UBE3D: variants seen among roughly 807,000 people sequenced by gnomAD.
The protein encoded by UBE3D is E3 ubiquitin-protein ligase E3D.
A neutral mutation model predicts 49.6 loss-of-function variants in UBE3D; 48 were observed. The observed-to-expected ratio is 0.97, with a 90% CI of 0.77 to 1.23. The LOEUF is 1.23. UBE3D is among the 50% of genes most tolerant of loss of function. The probability of loss-of-function intolerance (pLI) is 0.00; values close to 1 mark genes in which losing one functional copy is unlikely to be tolerated. For missense variants in UBE3D, 452 were observed against 468.4 expected, an observed-to-expected ratio of 0.96 and a Z score of 0.32; for synonymous variants, 189 against 174.2, an observed-to-expected ratio of 1.08 and a Z score of -0.67.
intron 8 of UBE3D, among the ~76,000 whole-genome samples, chr6:82,980,911 G>A (rs141489220): frequency 1.7e-3 from 260 of 151,904 alleles, no homozygotes; most frequent in African/African-American, 6.1e-3. Flanking sequence ...TCTTCCATTG[G>A]TCTATGTGTC....
At chr6:82,985,008 C>CCTTTTTT (rs1442501883) in intron 8 of UBE3D, among the ~76,000 whole-genome samples, 9 of 53,000 alleles carry the variant, frequency 1.7e-4, no homozygotes, top group South Asian at 1.0e-3. Context: ...TCTTCTTCTT[C>CCTTTTTT]TTTTTTTTTT....
the UBE3D span, among the ~76,000 whole-genome samples, chr6:82,882,734 ATCTT>A: frequency 1.3e-5 from 2 of 152,212 alleles, no homozygotes; most frequent in African/African-American, 4.8e-5. Context: ...TTATTACAGT[ATCTT>A]TCTTCTGTTT....
intron 9 of UBE3D, among the ~76,000 whole-genome samples, chr6:82,920,864 G>T (rs186501760): frequency 1.4e-4 from 21 of 151,224 alleles, no homozygotes; most frequent in Admixed American, 5.9e-4. Flanking sequence ...AGGAAGAAAA[G>T]ATTTAACGCC....
At chr6:83,004,472 T>A (rs936593077) in intron 8 of UBE3D, among the ~76,000 whole-genome samples, 2 of 152,196 alleles carry the variant, frequency 1.3e-5, no homozygotes, top group Non-Finnish European at 2.9e-5. Context: ...GACTTGAACA[T>A]TCATTTCTGA....
intron 9 of UBE3D, among the ~76,000 whole-genome samples, chr6:82,933,819 CT>C (rs1340552052): frequency 2.0e-5 from 3 of 152,168 alleles, no homozygotes; most frequent in Admixed American, 1.3e-4. Flanking sequence ...CAACTAATAG[CT>C]ATACTCAGAA....
At chr6:82,912,768 G>A (rs293488) in intron 9 of UBE3D, among the ~76,000 whole-genome samples, 101,905 of 152,086 alleles carry the variant, frequency 0.67, 34,676 homozygotes, top group East Asian at 0.79. Context: ...ATACATCCAC[G>A]TAGTCATCCT....
At chr6:82,909,005 T>A (rs1040382850) in intron 9 of UBE3D, among the ~76,000 whole-genome samples, 1 of 152,178 alleles carries the variant, frequency 6.6e-6, no homozygotes, top group Admixed American at 6.5e-5. Context: ...CCTGGCCCCA[T>A]GGCTCTGTGC....
chr6:82,965,632 A>G (rs1016596363), intron 8 of UBE3D, among the ~76,000 whole-genome samples: 50 of 151,958 alleles, frequency 3.3e-4, no homozygotes, highest in Non-Finnish European at 2.9e-4. Context: ...CCACCCTACA[A>G]ACAAGCCTGT....
At chr6:82,935,363 C>T (rs1774490930) in intron 9 of UBE3D, among the ~76,000 whole-genome samples, 2 of 152,062 alleles carry the variant, frequency 1.3e-5, no homozygotes, top group African/African-American at 2.4e-5. Flanking sequence ...CAAACAGCCT[C>T]CCACCAGGCC....
intron 8 of UBE3D, among the ~76,000 whole-genome samples, chr6:82,989,831 C>A (rs1412733698): frequency 1.3e-5 from 2 of 152,148 alleles, no homozygotes; most frequent in African/African-American, 2.4e-5. Flanking sequence ...TCAATGAAAC[C>A]TTTCTATCTC....
intron 9 of UBE3D, among the ~76,000 whole-genome samples, chr6:82,916,003 T>C (rs1463828999): frequency 6.6e-6 from 1 of 152,190 alleles, no homozygotes; most frequent in African/African-American, 2.4e-5. Context: ...TTGAAGTAGA[T>C]GTTTACAATT....
intron 9 of UBE3D, among the ~76,000 whole-genome samples, chr6:82,934,193 T>C (rs1430860610): frequency 6.6e-6 from 1 of 152,158 alleles, no homozygotes; most frequent in East Asian, 1.9e-4. Context: ...ATGTAAGACA[T>C]GCCTTGCTTC....
At chr6:82,904,416 G>A (rs1466755761) in intron 9 of UBE3D, among the ~76,000 whole-genome samples, 2 of 152,180 alleles carry the variant, frequency 1.3e-5, no homozygotes, top group African/African-American at 4.8e-5. Context: ...GCTAGAGGTG[G>A]TGGGAGAGCA....
intron 9 of UBE3D, among the ~76,000 whole-genome samples, chr6:82,911,760 A>T (rs2127726750): frequency 6.6e-6 from 1 of 152,310 alleles, no homozygotes; most frequent in Non-Finnish European, 1.5e-5. Flanking sequence ...GGGGATGTAC[A>T]GGATTAGGAC....
intron 8 of UBE3D, among the ~76,000 whole-genome samples, chr6:82,987,824 C>T (rs182694103): frequency 5.9e-5 from 9 of 152,166 alleles, no homozygotes; most frequent in Admixed American, 5.2e-4. Context: ...ATTTAAATGT[C>T]CACAGAAAGA....
At chr6:83,065,621 G>A (rs775534022) in intron 1 of UBE3D, 21 bp downstream of exon 1, 23 of 1,612,926 alleles carry the variant, frequency 1.4e-5, no homozygotes, top group Non-Finnish European at 2.0e-5. Context: ...TGGGCACTGC[G>A]CCTAGAATCC....
intron 1 of UBE3D, among the ~76,000 whole-genome samples, chr6:83,061,059 C>T (rs1459756953): frequency 1.3e-5 from 2 of 152,090 alleles, no homozygotes; most frequent in African/African-American, 4.8e-5. Flanking sequence ...GTTAACATAA[C>T]CAATTTGATG....
At chr6:82,933,711 AC>A (rs1774336389) in intron 9 of UBE3D, among the ~76,000 whole-genome samples, 1 of 152,210 alleles carries the variant, frequency 6.6e-6, no homozygotes, top group Non-Finnish European at 1.5e-5. Context: ...CGAAATGAAA[AC>A]AAAGGTTAAA....
chr6:82,882,255 C>A, the UBE3D span, among the ~76,000 whole-genome samples: 1 of 152,198 alleles, frequency 6.6e-6, no homozygotes, highest in East Asian at 1.9e-4. Flanking sequence ...TACTCTCAAG[C>A]TGTAGGGCTT....
Sources: gnomAD v4.1 joint callset for allele counts (sites outside exome capture counted in the v4.1 genomes callset) on GRCh38, gnomAD v4.1.1 for gene constraint, MANE v1.5 for transcripts, NCBI Gene and HGNC (gene_info 2026-07-23, HGNC 2026-07-21) for gene names.